The following SHC1 variants were observed in gnomAD, a reference collection of about 807,000 sequenced individuals.
SHC1 encodes SHC-transforming protein 1.
In SHC1, 30 loss-of-function variants were observed where a neutral mutation model predicts 55.9. That is an observed-to-expected ratio of 0.54 (90% confidence interval 0.40 to 0.73). The LOEUF (loss-of-function observed/expected upper bound fraction) is 0.73, where lower values mean the gene tolerates loss of function less well. Ranked by LOEUF, SHC1 falls within the 30% of genes least tolerant of loss-of-function variation. The probability of loss-of-function intolerance (pLI) is 0.00; values close to 1 mark genes in which losing one functional copy is unlikely to be tolerated. For synonymous variants in SHC1, 309 were observed against 306.1 expected (o/e 1.01, Z -0.10); for missense variants, 675 against 777.1 (o/e 0.87, Z 1.56).
In SHC1 at chr1:154,970,429, T is replaced by C; in HGVS notation, c.98A>G (p.Glu33Gly). The C allele has an allele frequency of 6.2e-7, 1 of 1,608,470 alleles. No homozygotes were observed. The highest frequency in any genetic ancestry group is 8.5e-7 in the Non-Finnish European group (1 of 1,177,854). ...GGATGAAGCTGATGGGGAAGGCAGC[T>C]CCTCCGGGGGGGTGGACCCAGAAGC... Reference protein sequence around the residue: ...EGASGSTPPEELPSPSASSLG... With the variant: ...EGASGSTPPEGLPSPSASSLG... The change falls in exon 1 of 12, where the codon GAG becomes GGG. Residue 33 changes from glutamate to glycine, a missense_variant. Coordinates refer to ENST00000448116, the MANE Select transcript of SHC1 (RefSeq NM_001130040.2). This position sits in a 1 kb window ranked among gnomAD's most constrained non-coding sequence, Gnocchi z 5.5.
intron 11 of SHC1, 197 bp downstream of exon 11, chr1:154,965,346 G>T: frequency 6.5e-7 from 1 of 1,549,956 alleles, no homozygotes; most frequent in East Asian, 2.4e-5. Flanking sequence ...CCTGTGCCAG[G>T]ACTATAAAGA....
In SHC1 at chr1:154,970,367, T is replaced by G. The variant is rs1255056929; in HGVS notation, c.160A>C (p.Ser54Arg). Residue 54 changes from serine to arginine, a missense_variant, in exon 1 of 12, where the codon AGT becomes CGT. Ser to Arg is a moderately radical substitution (Grantham distance 110). This residue lies in a region of SHC1 where 156 missense variants were observed against 159.1 expected (regional missense o/e 0.98). Coordinates refer to ENST00000448116, the MANE Select transcript of SHC1 (RefSeq NM_001130040.2). The surrounding 1 kb of genome is among the most constrained non-coding windows in gnomAD (Gnocchi z 5.5). Reference protein sequence around the residue: ...PILPPLPGDDSPTTLCSFFPR... With the variant: ...PILPPLPGDDRPTTLCSFFPR... The stretch of plus-strand genomic sequence containing the variant: ...AAGAAGGAGCACAGGGTAGTGGGAC[T>G]ATCGTCCCCAGGCAGAGGAGGCAGG... The G allele has an allele frequency of 5.6e-6, 9 of 1,604,494 alleles. No homozygotes were observed. The highest frequency in any genetic ancestry group is 7.7e-6 in the Non-Finnish European group (9 of 1,175,564).
intron 1 of SHC1, 68 bp downstream of exon 1, chr1:154,969,964 C>A: frequency 6.4e-7 from 1 of 1,550,568 alleles, no homozygotes; most frequent in East Asian, 2.3e-5. Flanking sequence ...GAGATTCCGG[C>A]CAAGCTGGAG....
rs1656595393 is a variant in SHC1, at chr1:154,970,349, A to G, written c.178T>C (p.Ser60Pro). The G allele has an allele frequency of 8.1e-6, 13 of 1,605,938 alleles. No homozygotes were observed. The highest frequency in any genetic ancestry group is 1.1e-5 in the Non-Finnish European group (13 of 1,175,888). ...AGGTTGCTCATCCGGGGGAAGAAGGAGCACAGGGTAGTGGGACTATCGTCC... is the reference window on the plus strand; with the variant it reads ...AGGTTGCTCATCCGGGGGAAGAAGGGGCACAGGGTAGTGGGACTATCGTCC... ...PGDDSPTTLC[S>P]FFPRMSNLRL... is the part of the protein sequence containing the mutation. The change falls in exon 1 of 12, where the codon TCC (serine) becomes CCC (proline). Residue 60 changes from serine (S) to proline (P), a missense_variant. Around this residue, in one of 3 missense-constraint regions of SHC1, gnomAD observed 156 missense variants for 159.1 expected, o/e 0.98. Transcript: ENST00000448116. This position sits in a 1 kb window ranked among gnomAD's most constrained non-coding sequence, Gnocchi z 5.5.
intron 4 of SHC1, 79 bp from the exon 5 acceptor site, chr1:154,968,336 C>G: frequency 6.5e-7 from 1 of 1,548,988 alleles, no homozygotes; most frequent in Non-Finnish European, 8.9e-7. Context: ...CCCTGGTGCC[C>G]CAGTCTCATT....
Position 154,970,114 on chromosome 1 carries a change from C to A in SHC1, c.413G>T (p.Gly138Val). Residue 138 changes from glycine (G) to valine (V), a missense_variant, in exon 1 of 12, where the codon GGG (glycine) becomes GTG (valine). Around this residue, in one of 3 missense-constraint regions of SHC1, gnomAD observed 159 missense variants for 246.9 expected, o/e 0.64. Coordinates refer to ENST00000448116, the MANE Select transcript of SHC1 (RefSeq NM_001130040.2). This position sits in a 1 kb window ranked among gnomAD's most constrained non-coding sequence, Gnocchi z 5.5. ...CCGCGTGGGCTTATTGACAAAGCTC[C>A]CGTGGCGGGTCCACTCCTCGCCCCC... ...QLGGEEWTRH[G>V]SFVNKPTRGW... 6.2e-7 allele frequency: 1 copy of A among 1,613,650 alleles called. No homozygotes were observed. The highest frequency in any genetic ancestry group is 1.1e-5 in the South Asian group (1 of 91,088).
At position 154,966,152 on chromosome 1, in the gene SHC1, C is replaced by T. The variant is rs901103375; in HGVS notation, c.1252+10G>A. On this transcript the variant is annotated intron_variant, in intron 9 of 11. Transcript: ENST00000448116. ...CTCCCCAGCTCTGCCTATCTCGGCT[C>T]CCTTCATACCTGGACAGGGTGGTGG... 1.2e-6 allele frequency: 2 copies of T among 1,614,148 alleles called. No individual in the cohort carries two copies. Among genetic ancestry groups the T allele is most frequent in the Non-Finnish European group, 1.7e-6 (2 of 1,180,004 alleles).
Position 154,967,802 on chromosome 1 carries a change from G to T in SHC1, c.857-5C>A. 6.2e-7 allele frequency: 1 copy of T among 1,613,902 alleles called. No homozygotes were observed. Among genetic ancestry groups the T allele is most frequent in the South Asian group, 1.1e-5 (1 of 91,038 alleles). ...GACACTCCAGAATGTGGCAGGCTGA[G>T]GGCACAGCAGAGGCTGTCAGTGAGC... On this transcript the variant is annotated splice_region_variant and splice_polypyrimidine_tract_variant and intron_variant, in intron 6 of 11. Transcript: ENST00000448116.
Position 154,963,819 on chromosome 1 carries a change from A to T in SHC1, c.1739T>A (p.Val580Glu). 6.2e-7 allele frequency: 1 copy of T among 1,614,074 alleles called. No homozygotes were observed. Among genetic ancestry groups the T allele is most frequent in the Non-Finnish European group, 8.5e-7 (1 of 1,180,018 alleles). The change falls in exon 12 of 12, where the codon GTG becomes GAG. Residue 580 changes from valine (V) to glutamate (E), a missense_variant. Val to Glu is a moderately radical substitution (Grantham distance 121, BLOSUM62 -2). Transcript: ENST00000448116. ...TAGGGCAGATCACAGTTTCCGCTCC[A>T]CAGGTTGCTGTAGACACAGTTCGCT... ...AGSELCLQQP[V>E]ERKL
At chr1:154,971,966 T>C (rs1229576772), upstream of SHC1, among the ~76,000 whole-genome samples, 2 of 151,616 alleles carry the variant, frequency 1.3e-5, no homozygotes, top group African/African-American at 4.8e-5. Context: ...TACGTATTCC[T>C]ACCGGGCGCG....
At chr1:154,972,230 A>G (rs1427680815), upstream of SHC1, among the ~76,000 whole-genome samples, 1 of 151,506 alleles carries the variant, frequency 6.6e-6, no homozygotes, top group East Asian at 1.9e-4. Context: ...AGGTGACAAG[A>G]GCAAAACTCC....
chr1:154,973,677 T>C (rs1229143660), upstream of SHC1, among the ~76,000 whole-genome samples: 1 of 151,610 alleles, frequency 6.6e-6, no homozygotes, highest in Non-Finnish European at 1.5e-5. Flanking sequence ...GACAGGAAAA[T>C]ATAAGCAGGT....
At chr1:154,968,454 C>T in intron 4 of SHC1, 41 bp downstream of exon 4, 2 of 1,613,150 alleles carry the variant, frequency 1.2e-6, no homozygotes, top group Non-Finnish European at 1.7e-6. Context: ...CCCTTAGCAC[C>T]CCCATCAGTG....
chr1:154,966,216 C>T lies in SHC1; in HGVS notation c.1198G>A (p.Val400Ile). 6.2e-7 allele frequency: 1 copy of T among 1,614,134 alleles called. No individual in the cohort carries two copies. The highest frequency in any genetic ancestry group is 8.5e-7 in the Non-Finnish European group (1 of 1,179,998). The stretch of plus-strand genomic sequence containing the variant: ...TTGCGGACTTCTGGATCTCCCCCAA[C>T]AGGCTGTCCTACAGGCTGCAGGGAT... ...LGATLPVGQP[V>I]GGDPEVRKQM... The change falls in exon 9 of 12, where the codon GTT (valine) becomes ATT (isoleucine). Residue 400 changes from valine to isoleucine, a missense_variant. Val to Ile is a conservative substitution (Grantham distance 29). Coordinates refer to ENST00000448116, the MANE Select transcript of SHC1 (RefSeq NM_001130040.2).
rs1287513431 is a variant in SHC1 at position 154,966,147 on chromosome 1, C to T, written c.1252+15G>A. On this transcript the variant is annotated intron_variant, in intron 9 of 11. Coordinates refer to ENST00000448116, the MANE Select transcript of SHC1 (RefSeq NM_001130040.2). ...CAACACTCCCCAGCTCTGCCTATCT[C>T]GGCTCCCTTCATACCTGGACAGGGT... 7 of 1,614,028 alleles carry T rather than the reference C, an allele frequency of 4.3e-6. No homozygotes were observed. The highest frequency in any genetic ancestry group is 2.2e-5 in the South Asian group (2 of 91,088).
chr1:154,965,484 C>CT (rs1403876043), intron 11 of SHC1, 59 bp downstream of exon 11: 1 of 1,613,918 alleles, frequency 6.2e-7, no homozygotes, highest in South Asian at 1.1e-5. Context: ...GAGGGATACA[C>CT]TGTAGGGTAC....
chr1:154,969,317 C>T, intron 2 of SHC1, 61 bp downstream of exon 2: 1 of 1,187,688 alleles, frequency 8.4e-7, no homozygotes, highest in Middle Eastern at 1.9e-4. Flanking sequence ...CACTCCCCTC[C>T]TCTGTTTCCC....
chr1:154,965,943 C>T lies in SHC1; in HGVS notation c.1387+3G>A. On this transcript the variant is annotated splice_donor_region_variant and intron_variant, in intron 10 of 11. Coordinates refer to ENST00000448116, the MANE Select transcript of SHC1 (RefSeq NM_001130040.2). ...TGCAGAGAGGAGAGAGACGAGCACTCACTCATGTCAAACAGGTCCCGGGGT... is the reference window on the plus strand; with the variant it reads ...TGCAGAGAGGAGAGAGACGAGCACTTACTCATGTCAAACAGGTCCCGGGGT... 1 of 1,608,302 alleles carries T rather than the reference C, an allele frequency of 6.2e-7. No individual in the cohort carries two copies.
upstream of SHC1, chr1:154,970,748 G>T (rs895695381): frequency 4.2e-6 from 2 of 476,122 alleles, no homozygotes; most frequent in Non-Finnish European, 7.4e-6. The surrounding 1 kb of genome is among the most constrained non-coding windows in gnomAD (Gnocchi z 5.5). Flanking sequence ...CCTCTTCTCT[G>T]GCTGAGAAGA....
Sources: allele counts gnomAD v4.1 joint callset (sites outside exome capture counted in the v4.1 genomes callset), GRCh38; gene constraint gnomAD v4.1.1; regional missense constraint gnomAD v4.1.1; non-coding constraint Gnocchi (gnomAD v3.1); transcripts MANE v1.5; gene names NCBI Gene and HGNC (gene_info 2026-07-23, HGNC 2026-07-21).